The following SUGCT variants were observed in gnomAD, a reference collection of about 807,000 sequenced individuals.
SUGCT encodes the protein succinyl-CoA:glutarate-CoA transferase.
A neutral mutation model predicts 55.0 loss-of-function variants in SUGCT; 41 were observed. That is an observed-to-expected ratio of 0.74 (90% CI 0.58 to 0.97). The LOEUF is 0.97. SUGCT is among the 50% of genes least tolerant of loss of function. The pLI is 0.00. For missense variants in SUGCT, 568 were observed against 547.8 expected (o/e 1.04, Z -0.37); for synonymous variants, 187 against 200.4 (o/e 0.93, Z 0.56).
chr7:40,831,465 TCAAATGG>T (rs1178798855), intron 13 of SUGCT, among the ~76,000 whole-genome samples: 3 of 152,218 alleles, frequency 2.0e-5, no homozygotes, highest in Non-Finnish European at 2.9e-5. Flanking sequence ...TGCCCAACTT[TCAAATGG>T]GTTTGTTTGC....
chr7:40,876,980 G>A, the SUGCT span, among the ~76,000 whole-genome samples: 1 of 151,880 alleles, frequency 6.6e-6, no homozygotes, highest in Non-Finnish European at 1.5e-5. Flanking sequence ...ATTCATAAAA[G>A]CCTTTCTCTT....
chr7:40,303,849 A>G (rs13238208), intron 8 of SUGCT, among the ~76,000 whole-genome samples: 1 of 152,108 alleles, frequency 6.6e-6, no homozygotes, highest in Non-Finnish European at 1.5e-5. Flanking sequence ...TAATCCTAGC[A>G]CTATGGGAGG....
chr7:40,398,200 T>G (rs1785848614), intron 9 of SUGCT, among the ~76,000 whole-genome samples: 1 of 152,204 alleles, frequency 6.6e-6, no homozygotes, highest in African/African-American at 2.4e-5. Flanking sequence ...CAAGCAATTC[T>G]CCTGCCTCAG....
chr7:40,772,171 C>A (rs1789138559), intron 13 of SUGCT, among the ~76,000 whole-genome samples: 1 of 152,128 alleles, frequency 6.6e-6, no homozygotes, highest in African/African-American at 2.4e-5. Flanking sequence ...TCACTTTCCA[C>A]ACCAAAAGTC....
the SUGCT span, among the ~76,000 whole-genome samples, chr7:40,928,379 TC>T: frequency 2.6e-5 from 4 of 152,114 alleles, no homozygotes; most frequent in Non-Finnish European, 5.9e-5. Context: ...TTTGGCAAAT[TC>T]CTGAATACTA....
At chr7:40,606,820 T>G (rs1355669740) in intron 12 of SUGCT, among the ~76,000 whole-genome samples, 2 of 152,204 alleles carry the variant, frequency 1.3e-5, no homozygotes, top group African/African-American at 2.4e-5. Context: ...TCTATTTAAG[T>G]TAAAGGATTA....
At chr7:40,396,449 G>C (rs1025722420) in intron 9 of SUGCT, among the ~76,000 whole-genome samples, 1 of 152,144 alleles carries the variant, frequency 6.6e-6, no homozygotes. Flanking sequence ...GTAGGCTGAC[G>C]AAACAACCTT....
At chr7:40,324,140 C>T (rs1291065527) in intron 9 of SUGCT, among the ~76,000 whole-genome samples, 1 of 151,258 alleles carries the variant, frequency 6.6e-6, no homozygotes. Flanking sequence ...AGGAAGCGTC[C>T]CTTTCCATAT....
At chr7:40,380,852 A>C (rs759999926) in intron 9 of SUGCT, among the ~76,000 whole-genome samples, 3 of 152,180 alleles carry the variant, frequency 2.0e-5, no homozygotes, top group Non-Finnish European at 4.4e-5. Context: ...TAGAGCTTGC[A>C]TAATTACCTA....
intron 12 of SUGCT, among the ~76,000 whole-genome samples, chr7:40,737,848 CAG>C (rs1318923441): frequency 6.7e-6 from 1 of 150,146 alleles, no homozygotes; most frequent in African/African-American, 2.5e-5. Context: ...CGCTATAACC[CAG>C]GAGGTGGAGG....
At chr7:40,439,098 ATATATATATATATG>A (rs1562777599) in intron 9 of SUGCT, among the ~76,000 whole-genome samples, 3 of 129,676 alleles carry the variant, frequency 2.3e-5, no homozygotes, top group Admixed American at 7.8e-5. Flanking sequence ...ATATATATAT[ATATATATATATATG>A]GATAGAGAGA....
intron 13 of SUGCT, among the ~76,000 whole-genome samples, chr7:40,847,139 A>C (rs1009972527): frequency 2.0e-5 from 3 of 152,320 alleles, no homozygotes; most frequent in Non-Finnish European, 4.4e-5. Context: ...TAGTCCAGGC[A>C]AGTGGGTCTC....
chr7:40,189,901 A>C (rs1785789466), intron 5 of SUGCT, among the ~76,000 whole-genome samples: 1 of 152,170 alleles, frequency 6.6e-6, no homozygotes, highest in South Asian at 2.1e-4. Context: ...TTGTAAATGA[A>C]GTATTGAAAT....
the SUGCT span, among the ~76,000 whole-genome samples, chr7:40,954,386 C>A: frequency 3.3e-5 from 5 of 152,204 alleles, no homozygotes; most frequent in African/African-American, 7.2e-5. Context: ...AATTTCCTGA[C>A]CCCTTGCACT....
chr7:40,204,292 G>A (rs1395106433), intron 6 of SUGCT, among the ~76,000 whole-genome samples: 1 of 149,018 alleles, frequency 6.7e-6, no homozygotes, highest in East Asian at 2.0e-4. Context: ...ACTGTGCCCA[G>A]CCTACTTGGG....
intron 8 of SUGCT, among the ~76,000 whole-genome samples, chr7:40,284,806 A>G (rs1323635070): frequency 1.3e-5 from 2 of 152,336 alleles, no homozygotes; most frequent in Admixed American, 6.5e-5. Flanking sequence ...GAAGTTAAAG[A>G]CAAACCAAAA....
chr7:40,423,810 AAC>A (rs1440564842), intron 9 of SUGCT, among the ~76,000 whole-genome samples: 4 of 152,136 alleles, frequency 2.6e-5, no homozygotes, highest in Non-Finnish European at 5.9e-5. Context: ...TAAACACACC[AAC>A]ACAGTGTATG....
chr7:40,393,303 A>G (rs1785542098), intron 9 of SUGCT, among the ~76,000 whole-genome samples: 1 of 152,166 alleles, frequency 6.6e-6, no homozygotes, highest in African/African-American at 2.4e-5. Context: ...AATTTCAGAA[A>G]AATGTTAAAC....
At chr7:40,362,272 AG>A (rs1252764377) in intron 9 of SUGCT, among the ~76,000 whole-genome samples, 2 of 152,052 alleles carry the variant, frequency 1.3e-5, no homozygotes, top group Admixed American at 1.3e-4. Flanking sequence ...TACAAAAATT[AG>A]CTGGGTGTGG....
Sources: allele counts gnomAD v4.1 joint callset (sites outside exome capture counted in the v4.1 genomes callset), GRCh38; gene constraint gnomAD v4.1.1; transcripts MANE v1.5; gene names NCBI Gene and HGNC (gene_info 2026-07-23, HGNC 2026-07-21).